The following AGO2 variants were observed in gnomAD, a reference collection of about 807,000 sequenced individuals.
AGO2 encodes the protein protein argonaute-2.
In AGO2, 5 loss-of-function variants were observed where a neutral mutation model predicts 102.3. That is an observed-to-expected ratio of 0.05 (90% confidence interval 0.03 to 0.10). The LOEUF is 0.10. Ranked by LOEUF, AGO2 falls within the 10% of genes least tolerant of loss-of-function variation. AGO2 has a pLI of 1.00. For synonymous variants in AGO2, 449 were observed against 473.1 expected (o/e 0.95, Z 0.66); for missense variants, 541 against 1,183.7 (o/e 0.46, Z 7.97).
intron 1 of AGO2, among the ~76,000 whole-genome samples, chr8:140,587,446 C>T (rs779184463): frequency 7.2e-5 from 11 of 152,246 alleles, no homozygotes; most frequent in Non-Finnish European, 8.8e-5. Context: ...ACTCCACTGC[C>T]AAGGACGCCT....
In AGO2 at chr8:140,521,001, T is replaced by C. The variant is rs976161796; in HGVS notation, c.*11043A>G. On this transcript the variant is annotated 3_prime_UTR_variant, in exon 19 of 19. Coordinates refer to ENST00000220592, the MANE Select transcript of AGO2 (RefSeq NM_012154.5). ...TTTTAAATTTCTTTCAACAGTCTATTGGGGTCCAAAAAGCATATATCAAAA... is the reference window on the plus strand; with the variant it reads ...TTTTAAATTTCTTTCAACAGTCTATCGGGGTCCAAAAAGCATATATCAAAA... 5.3e-5 allele frequency: 8 copies of C among 152,168 alleles called. No homozygotes were observed. Among genetic ancestry groups the C allele is most frequent in the African/African-American group, 1.9e-4 (8 of 41,426 alleles). 9.4% of individuals were successfully genotyped at this position (152,168 alleles called of 1,614,324 possible).
intron 1 of AGO2, among the ~76,000 whole-genome samples, chr8:140,590,461 A>G (rs1435056427): frequency 6.6e-6 from 1 of 152,144 alleles, no homozygotes; most frequent in Non-Finnish European, 1.5e-5. Flanking sequence ...ACCCATCCAA[A>G]TACGGATACC....
intron 1 of AGO2, among the ~76,000 whole-genome samples, chr8:140,597,480 C>CCCCCCCCCCCA (rs2073864620): frequency 4.5e-5 from 6 of 132,126 alleles, no homozygotes; most frequent in African/African-American, 8.2e-5. Context: ...CCCCACCCCC[C>CCCCCCCCCCCA]CCCCCCCGCC....
At chr8:140,628,176 C>T (rs1321147115) in intron 1 of AGO2, among the ~76,000 whole-genome samples, 1 of 152,248 alleles carries the variant, frequency 6.6e-6, no homozygotes, top group African/African-American at 2.4e-5. Flanking sequence ...CCGGCCGCAG[C>T]GCCCACTGAC....
intron 2 of AGO2, among the ~76,000 whole-genome samples, chr8:140,580,031 G>GCAGCCCACCCA (rs1554706768): frequency 1.1e-5 from 1 of 90,082 alleles, no homozygotes; most frequent in Non-Finnish European, 2.6e-5. Flanking sequence ...CAGCCCACCC[G>GCAGCCCACCCA]TGCTTCTCGG....
chr8:140,633,226 A>T (rs1179466316), intron 1 of AGO2, among the ~76,000 whole-genome samples: 1 of 152,238 alleles, frequency 6.6e-6, no homozygotes, highest in Non-Finnish European at 1.5e-5. Context: ...ATTAGAAAGT[A>T]TAAGATTAAA....
At chr8:140,603,362 T>A (rs376643707) in intron 1 of AGO2, among the ~76,000 whole-genome samples, 7 of 152,212 alleles carry the variant, frequency 4.6e-5, no homozygotes, top group African/African-American at 1.7e-4. Flanking sequence ...GCCAGGTTGT[T>A]TTCTTCTTGT....
intron 10 of AGO2, among the ~76,000 whole-genome samples, chr8:140,554,675 A>C (rs778583322): frequency 6.6e-6 from 1 of 152,078 alleles, no homozygotes; most frequent in Non-Finnish European, 1.5e-5. Flanking sequence ...ACATTTAAAA[A>C]ACAGAACTGT....
intron 1 of AGO2, among the ~76,000 whole-genome samples, chr8:140,633,614 C>T (rs1016407621): frequency 6.6e-6 from 1 of 152,202 alleles, no homozygotes; most frequent in Non-Finnish European, 1.5e-5. Context: ...CTTCCTGAAG[C>T]CCCGCTGTCA....
At position 140,562,964 on chromosome 8, in the gene AGO2, C is replaced by T. The variant is rs1161800987; in HGVS notation, c.337-330G>A. Reference sequence around the variant, plus strand: ...TCTCCTCCCAGTCTCTGAATCGCCCCGTCCCTCACCTATGGGTTGCACCTA... The same window carrying T: ...TCTCCTCCCAGTCTCTGAATCGCCCTGTCCCTCACCTATGGGTTGCACCTA... On this transcript the variant is annotated intron_variant, in intron 3 of 18. Transcript: ENST00000220592. Among the ~76,000 whole-genome samples, 5 of 152,164 alleles carry T rather than the reference C, an allele frequency of 3.3e-5. No individual in the cohort carries two copies. In the South Asian group the frequency reaches 1.0e-3, roughly 31 times the overall value.
At chr8:140,565,499 G>A (rs1308722231) in intron 3 of AGO2, among the ~76,000 whole-genome samples, 2 of 150,206 alleles carry the variant, frequency 1.3e-5, no homozygotes. Context: ...AAAATTAGTC[G>A]GGTATGGTGG....
chr8:140,553,184 A>C (rs1455322082), intron 10 of AGO2, among the ~76,000 whole-genome samples: 1 of 152,142 alleles, frequency 6.6e-6, no homozygotes, highest in Non-Finnish European at 1.5e-5. Flanking sequence ...CCAGGAGTTC[A>C]AGATGAGCCT....
At chr8:140,638,867 C>T (rs2074425633), upstream of AGO2, among the ~76,000 whole-genome samples, 1 of 152,120 alleles carries the variant, frequency 6.6e-6, no homozygotes, top group South Asian at 2.1e-4. Flanking sequence ...TGAGCCACTA[C>T]ACCTGACCTT....
At position 140,630,294 on chromosome 8, in the gene AGO2, G is replaced by A. The variant is rs188343909; in HGVS notation, c.22+5191C>T. ...CGGACAGTTCTTGTGTCTGCCTTTC[G>A]TACCAGGGAAAGCTTACAGGTGCCC... On this transcript the variant is annotated intron_variant, in intron 1 of 18. Coordinates refer to ENST00000220592, the MANE Select transcript of AGO2 (RefSeq NM_012154.5). Among the ~76,000 whole-genome samples the A allele has an allele frequency of 2.8e-3, 425 of 152,300 alleles. 2 individuals carry two copies. Among genetic ancestry groups the A allele is most frequent in the African/African-American group, 9.8e-3 (407 of 41,574 alleles).
chr8:140,572,774 C>T (rs542221053), intron 3 of AGO2, 38 bp downstream of exon 3: 2 of 1,596,776 alleles, frequency 1.3e-6, no homozygotes, highest in East Asian at 2.2e-5. Context: ...TTTACTTCAC[C>T]GTATGTTACT....
chr8:140,560,311 G>A, intron 5 of AGO2, 63 bp downstream of exon 5: 1 of 1,579,078 alleles, frequency 6.3e-7, no homozygotes, highest in Non-Finnish European at 8.6e-7. Flanking sequence ...CCCGACCGGG[G>A]TCCTGACCCC....
chr8:140,576,262 C>T (rs1194304123), intron 2 of AGO2, among the ~76,000 whole-genome samples: 2 of 152,198 alleles, frequency 1.3e-5, no homozygotes, highest in Middle Eastern at 3.4e-3. Context: ...TGCAGTGAGC[C>T]GAGATTGTGC....
chr8:140,578,969 C>CT (rs1437258857), intron 2 of AGO2, among the ~76,000 whole-genome samples: 6 of 152,236 alleles, frequency 3.9e-5, no homozygotes, highest in Non-Finnish European at 8.8e-5. Context: ...AATTACACAG[C>CT]TTTTGCCTTA....
At chr8:140,535,988 C>A (rs1053051616) in intron 16 of AGO2, among the ~76,000 whole-genome samples, 1 of 152,228 alleles carries the variant, frequency 6.6e-6, no homozygotes, top group Admixed American at 6.5e-5. Flanking sequence ...AGCACACCGG[C>A]GCTCCAGGCA....
Sources: gnomAD v4.1 joint callset for allele counts (sites outside exome capture counted in the v4.1 genomes callset) on GRCh38, gnomAD v4.1.1 for gene constraint, MANE v1.5 for transcripts, NCBI Gene and HGNC (gene_info 2026-07-23, HGNC 2026-07-21) for gene names.